The following OR3A2 variants were observed in gnomAD, a reference collection of about 807,000 sequenced individuals.
OR3A2 encodes the protein olfactory receptor 3A2.
For missense variants in OR3A2, 318 were observed against 392.8 expected (o/e 0.81, Z 1.61); for synonymous variants, 126 against 159.3 (o/e 0.79, Z 1.57).
chr17:3,382,957 T>C (rs2049750530), intron 2 of OR3A2, among the ~76,000 whole-genome samples: 1 of 152,100 alleles, frequency 6.6e-6, no homozygotes, highest in African/African-American at 2.4e-5. Context: ...ATAAAGGCAC[T>C]CAATAAAGGG....
chr17:3,338,612 T>A (rs2049291134), intron 2 of OR3A2, among the ~76,000 whole-genome samples: 1 of 152,162 alleles, frequency 6.6e-6, no homozygotes, highest in Non-Finnish European at 1.5e-5. Context: ...GGGCCTCTGT[T>A]GTGTTCCATT....
exon 2 of OR3A2, chr17:3,278,867 T>C (rs369304177): frequency 2.2e-5 from 33 of 1,515,710 alleles, no homozygotes; most frequent in Admixed American, 4.5e-5. Flanking sequence ...CTAGGCCCAG[T>C]AGAATGAACT....
chr17:3,307,087 C>G (rs2049005772), intron 3 of OR3A2, among the ~76,000 whole-genome samples: 1 of 152,198 alleles, frequency 6.6e-6, no homozygotes, highest in Non-Finnish European at 1.5e-5. Flanking sequence ...AACTTAGTGT[C>G]TGGGAGGGAG....
chr17:3,308,482 C>A (rs1033425720), intron 3 of OR3A2, among the ~76,000 whole-genome samples: 3 of 152,118 alleles, frequency 2.0e-5, no homozygotes, highest in Admixed American at 6.5e-5. Context: ...CAGCTTCTCA[C>A]TCCACCCAAA....
chr17:3,365,876 G>C (rs1476472612), intron 2 of OR3A2, among the ~76,000 whole-genome samples: 1 of 152,208 alleles, frequency 6.6e-6, no homozygotes, highest in Non-Finnish European at 1.5e-5. Context: ...GGAAATGCCT[G>C]GGGAAGGAAG....
chr17:3,376,402 T>C (rs919620097), intron 2 of OR3A2, among the ~76,000 whole-genome samples: 3 of 152,094 alleles, frequency 2.0e-5, no homozygotes, highest in African/African-American at 7.2e-5. Flanking sequence ...AGAAAAACCA[T>C]CAGGGGAAGG....
intron 2 of OR3A2, among the ~76,000 whole-genome samples, chr17:3,371,476 C>A (rs111838952): frequency 6.7e-4 from 89 of 132,980 alleles, no homozygotes; most frequent in Non-Finnish European, 1.2e-3. Flanking sequence ...GGGGGCTGAT[C>A]CCCCCACCTC....
chr17:3,355,709 A>G (rs746363722), intron 2 of OR3A2, among the ~76,000 whole-genome samples: 1 of 151,148 alleles, frequency 6.6e-6, no homozygotes, highest in Non-Finnish European at 1.5e-5. Context: ...GTGCATATTT[A>G]TAGGTGAAGT....
intron 2 of OR3A2, among the ~76,000 whole-genome samples, chr17:3,338,712 C>T (rs550407739): frequency 1.1e-4 from 17 of 152,270 alleles, no homozygotes; most frequent in Non-Finnish European, 2.2e-4. Context: ...CATGATGCTT[C>T]CAGGTTTGTT....
At chr17:3,349,342 C>A (rs984944529) in intron 2 of OR3A2, among the ~76,000 whole-genome samples, 16 of 151,976 alleles carry the variant, frequency 1.1e-4, no homozygotes, top group Non-Finnish European at 2.9e-5. Context: ...GGAAGATGTA[C>A]CAAGCAAATG....
intron 3 of OR3A2, among the ~76,000 whole-genome samples, chr17:3,303,827 G>C (rs901060537): frequency 6.6e-6 from 1 of 150,638 alleles, no homozygotes; most frequent in African/African-American, 2.4e-5. Flanking sequence ...GGGAGGCGGA[G>C]GTTGCAGTGA....
chr17:3,354,776 A>T (rs985428955), intron 2 of OR3A2, among the ~76,000 whole-genome samples: 1 of 150,890 alleles, frequency 6.6e-6, no homozygotes, highest in South Asian at 2.1e-4. Context: ...GATGATCTTT[A>T]TTACCTCCCT....
rs2049043360 is a variant in OR3A2 at position 3,311,392 on chromosome 17, AGCACTC to A, written c.-85+24635_-85+24640del. ...GGCTATCTGTCAGCTTCTCACCAAC[AGCACTC>A]GCATGAGCTGTGAAGTCCAGGGTGC... is the stretch of plus-strand genomic sequence containing the variant. On this transcript the variant is annotated intron_variant, in intron 3 of 4. Transcript: ENST00000573491. This position sits in a 1 kb window ranked among gnomAD's most constrained non-coding sequence, Gnocchi z 4.6. 1.9e-6 allele frequency: 1 copy of A among 514,180 alleles called. No individual in the cohort carries two copies. The highest frequency in any genetic ancestry group is 1.9e-5 in the African/African-American group (1 of 51,650). The allele number at this position is 514,180 out of a possible 1,614,324, so 31.9% of individuals were successfully genotyped here. A position where few individuals can be genotyped will look rare whatever the true frequency, so the allele number is the denominator to read the frequency against.
At chr17:3,314,904 T>C (rs1183936918) in intron 3 of OR3A2, among the ~76,000 whole-genome samples, 1 of 152,222 alleles carries the variant, frequency 6.6e-6, no homozygotes, top group Non-Finnish European at 1.5e-5. Flanking sequence ...CCATGTGTAC[T>C]CAATGCTTAG....
At chr17:3,370,274 T>C (rs2049601566) in intron 2 of OR3A2, among the ~76,000 whole-genome samples, 1 of 152,238 alleles carries the variant, frequency 6.6e-6, no homozygotes, top group South Asian at 2.1e-4. Context: ...ATTTCCAGAA[T>C]GTCTCCATCT....
At chr17:3,299,199 C>T (rs1481146288) in intron 3 of OR3A2, among the ~76,000 whole-genome samples, 1 of 152,160 alleles carries the variant, frequency 6.6e-6, no homozygotes, top group Admixed American at 6.5e-5. Context: ...CCAGACAGAG[C>T]GTTGTTCTCC....
intron 3 of OR3A2, among the ~76,000 whole-genome samples, chr17:3,305,449 G>T (rs2048991834): frequency 1.3e-5 from 2 of 152,116 alleles, no homozygotes; most frequent in African/African-American, 4.8e-5. Flanking sequence ...TTGTCATGAG[G>T]TAACAAGGAA....
chr17:3,379,943 G>A (rs1406222714), intron 2 of OR3A2, among the ~76,000 whole-genome samples: 1 of 152,174 alleles, frequency 6.6e-6, no homozygotes, highest in Non-Finnish European at 1.5e-5. Flanking sequence ...AGAGAGGAGG[G>A]GAGGCTGCAC....
intron 3 of OR3A2, among the ~76,000 whole-genome samples, chr17:3,331,950 G>A (rs1032986099): frequency 6.6e-6 from 1 of 151,880 alleles, no homozygotes; most frequent in African/African-American, 2.4e-5. Flanking sequence ...ACCCTCAGCT[G>A]CAGGTCTGTT....
Sources: gnomAD v4.1 joint callset for allele counts (sites outside exome capture counted in the v4.1 genomes callset) on GRCh38, gnomAD v4.1.1 for gene constraint, Gnocchi (gnomAD v3.1) non-coding constraint, MANE v1.5 for transcripts, NCBI Gene and HGNC (gene_info 2026-07-23, HGNC 2026-07-21) for gene names.